IFT74: variants seen among roughly 807,000 people sequenced by gnomAD.
IFT74 encodes the protein intraflagellar transport protein 74 homolog.
In IFT74, 92 loss-of-function variants were observed where a neutral mutation model predicts 96.7. The ratio of observed to expected loss-of-function variants is 0.95; its 90% CI spans 0.80 to 1.13. The LOEUF (loss-of-function observed/expected upper bound fraction) is 1.13, where lower values mean the gene tolerates loss of function less well. Among genes scored for constraint, IFT74 ranks in the 50% most tolerant of loss-of-function variants. The probability of loss-of-function intolerance (pLI) is 0.00; values close to 1 mark genes in which losing one functional copy is unlikely to be tolerated. For synonymous variants in IFT74, 223 were observed against 213.2 expected (o/e 1.05, Z -0.40); for missense variants, 811 against 698.2 (o/e 1.16, Z -1.82).
At chr9:27,061,527 G>A (rs1820420993) in intron 19 of IFT74, among the ~76,000 whole-genome samples, 1 of 151,740 alleles carries the variant, frequency 6.6e-6, no homozygotes, top group Admixed American at 6.6e-5. Context: ...ATCCCACCTC[G>A]GCCTGCTCAA....
intron 8 of IFT74, chr9:26,999,502 AT>A: frequency 1.3e-6 from 1 of 749,280 alleles, no homozygotes; most frequent in Non-Finnish European, 2.1e-6. Context: ...TAAACTCTTA[AT>A]TTTAGTAGGT....
chr9:27,006,935 G>C (rs1019419864), intron 8 of IFT74, among the ~76,000 whole-genome samples: 6 of 142,602 alleles, frequency 4.2e-5, no homozygotes, highest in East Asian at 4.5e-4. Flanking sequence ...CTCCCGGGTT[G>C]ACGCCATTCT....
intron 8 of IFT74, among the ~76,000 whole-genome samples, chr9:27,001,702 A>G (rs1828500250): frequency 6.6e-6 from 1 of 152,028 alleles, no homozygotes; most frequent in African/African-American, 2.4e-5. Context: ...TGAGCTCTTT[A>G]TATCTTCTGA....
chr9:27,060,076 G>A lies in IFT74; in HGVS notation c.1624-515G>A, dbSNP rs561322369. ...TGTTGATGCAGAAATTATTGTAACA[G>A]TGCCAGCTTTTTACCAGCTCTCTTA... On this transcript the variant is annotated intron_variant, in intron 18 of 19. Coordinates refer to ENST00000380062, the MANE Select transcript of IFT74 (RefSeq NM_025103.4). Among the ~76,000 whole-genome samples the A allele has an allele frequency of 1.4e-4, 21 of 152,300 alleles. No individual in the cohort carries two copies. In the South Asian group the frequency reaches 3.9e-3, roughly 29 times the overall value.
In IFT74 at chr9:27,056,346, G is replaced by C; in HGVS notation, c.1510G>C (p.Glu504Gln). The C allele has an allele frequency of 1.3e-6, 2 of 1,578,958 alleles. No individual in the cohort carries two copies. The highest frequency in any genetic ancestry group is 3.5e-5 in the Admixed American group (2 of 56,848). ...GEEKIKKLHQ[E>Q]RMILSTHRNA... ...TGGATCTTTCTAGAAATTACATCAG[G>C]AGAGAATGATATTATCAACCCACAG... The change falls in exon 18 of 20, where the codon GAG becomes CAG. Residue 504 changes from glutamate (E) to glutamine (Q), a missense_variant. Coordinates refer to ENST00000380062, the MANE Select transcript of IFT74 (RefSeq NM_025103.4).
At chr9:27,030,989 T>C (rs1049455184) in intron 13 of IFT74, among the ~76,000 whole-genome samples, 1 of 152,184 alleles carries the variant, frequency 6.6e-6, no homozygotes, top group Admixed American at 6.5e-5. Context: ...CAAGTGACTT[T>C]TTTGTTTTTA....
chr9:27,018,506 T>A, intron 11 of IFT74, 141 bp from the exon 12 acceptor site: 1 of 444,084 alleles, frequency 2.3e-6, no homozygotes, highest in East Asian at 3.5e-5. Context: ...ACTTCAAAGG[T>A]TGAAATCTAA....
chr9:27,031,214 C>T (rs918553331), intron 13 of IFT74, among the ~76,000 whole-genome samples: 17 of 152,162 alleles, frequency 1.1e-4, no homozygotes, highest in African/African-American at 4.1e-4. Context: ...TGCGGTGGCT[C>T]ACGCCTGTAG....
intron 1 of IFT74, among the ~76,000 whole-genome samples, chr9:26,950,127 A>G (rs1316104680): frequency 2.0e-5 from 3 of 152,132 alleles, no homozygotes; most frequent in African/African-American, 7.2e-5. Context: ...CCTGGCTAAC[A>G]TGGTGAAACC....
In IFT74 at chr9:27,044,814, G is replaced by C; in HGVS notation, c.1108+19G>C. Reference sequence around the variant, plus strand: ...ATGGACAGTAAGTGATATTCTTGTAGATATAAAAATATAATATTTTCAGAT... The same window carrying C: ...ATGGACAGTAAGTGATATTCTTGTACATATAAAAATATAATATTTTCAGAT... On this transcript the variant is annotated intron_variant, in intron 14 of 19. Coordinates refer to ENST00000380062, the MANE Select transcript of IFT74 (RefSeq NM_025103.4). 1 of 1,379,290 alleles carries C rather than the reference G, an allele frequency of 7.3e-7. No homozygotes were observed. Among genetic ancestry groups the C allele is most frequent in the Non-Finnish European group, 1.0e-6 (1 of 999,830 alleles). 85.4% of individuals were successfully genotyped at this position (1,379,290 alleles called of 1,614,324 possible).
chr9:26,972,395 G>A (rs549547319), intron 2 of IFT74, among the ~76,000 whole-genome samples: 1 of 152,278 alleles, frequency 6.6e-6, no homozygotes, highest in East Asian at 1.9e-4. Flanking sequence ...CCATCCACAG[G>A]TGACTGGGTC....
At position 26,950,523 on chromosome 9, in the gene IFT74, A is replaced by T. The variant is rs530664473; in HGVS notation, c.-20+3377A>T. 3.4e-4 allele frequency among the ~76,000 whole-genome samples: 52 copies of T among 152,280 alleles called. 2 individuals are homozygous for T. In the South Asian group the frequency reaches 6.2e-3, roughly 18 times the overall value. On this transcript the variant is annotated intron_variant, in intron 1 of 19. Transcript: ENST00000433700. ...TATAAACCAAATTCCTGGCATAGTTATTTTAGCCTCCACACTAGAATAAGC... is the reference window on the plus strand; with the variant it reads ...TATAAACCAAATTCCTGGCATAGTTTTTTTAGCCTCCACACTAGAATAAGC...
chr9:27,059,894 T>C (rs1820339593), intron 18 of IFT74, among the ~76,000 whole-genome samples: 2 of 152,252 alleles, frequency 1.3e-5, no homozygotes, highest in African/African-American at 4.8e-5. Context: ...AATTTTCAAA[T>C]GGTCCTTTGC....
intron 2 of IFT74, among the ~76,000 whole-genome samples, chr9:26,973,006 C>A (rs1826943107): frequency 6.6e-6 from 1 of 152,160 alleles, no homozygotes; most frequent in Non-Finnish European, 1.5e-5. Flanking sequence ...TAGAATTTGA[C>A]CAAAGACGTT....
Position 26,988,677 on chromosome 9 carries a change from TA to T in IFT74, c.477del (p.Lys159AsnfsTer11). 1 of 1,547,634 alleles carries T rather than the reference TA, an allele frequency of 6.5e-7. No individual in the cohort carries two copies. The highest frequency in any genetic ancestry group is 8.8e-7 in the Non-Finnish European group (1 of 1,134,598). On this transcript the variant is annotated frameshift_variant, in exon 7 of 20. Transcript: ENST00000380062. LOFTEE classifies it high-confidence loss of function. The part of the protein sequence containing the change: ...QLADYNMLVD[K>X]LNTNTEMEEV... ...TGTATTTTTGTTTTTAGTTGGTAGATAAACTTAATACCAACACTGAAATGGA... is the reference window on the plus strand; with the variant it reads ...TGTATTTTTGTTTTTAGTTGGTAGATAACTTAATACCAACACTGAAATGGA...
At chr9:26,958,775 G>A (rs1464427121) in intron 1 of IFT74, among the ~76,000 whole-genome samples, 2 of 152,166 alleles carry the variant, frequency 1.3e-5, no homozygotes, top group Non-Finnish European at 1.5e-5. Flanking sequence ...AAGTTGTGTG[G>A]AATCAGTTTA....
At chr9:27,028,802 T>C (rs752299307) in intron 12 of IFT74, 2 of 313,684 alleles carry the variant, frequency 6.4e-6, no homozygotes, top group Non-Finnish European at 1.1e-5. Flanking sequence ...TCTCTAAATT[T>C]ATAGTATTGT....
intron 17 of IFT74, 89 bp from the exon 18 acceptor site, chr9:27,056,245 A>G: frequency 9.9e-7 from 1 of 1,012,830 alleles, no homozygotes. Context: ...TTTTACCAGA[A>G]TATAGTTATT....
intron 16 of IFT74, among the ~76,000 whole-genome samples, chr9:27,050,949 C>T (rs893467252): frequency 6.6e-6 from 1 of 151,890 alleles, no homozygotes. Context: ...TCTGGATTCC[C>T]AAAATCTAAA....
Sources: gnomAD v4.1 joint callset for allele counts (sites outside exome capture counted in the v4.1 genomes callset) on GRCh38, gnomAD v4.1.1 for gene constraint, MANE v1.5 for transcripts, NCBI Gene and HGNC (gene_info 2026-07-23, HGNC 2026-07-21) for gene names.